Variants in PNN observed in about 807,000 individuals in gnomAD.
PNN encodes pinin.
In PNN, 38 loss-of-function variants were observed where a neutral mutation model predicts 76.6. The ratio of observed to expected loss-of-function variants is 0.50; its 90% CI spans 0.38 to 0.65. The LOEUF is 0.65. PNN is among the 30% of genes least tolerant of loss of function. PNN has a pLI of 0.00. For synonymous variants in PNN, 366 were observed against 283.7 expected (o/e 1.29, Z -2.91); for missense variants, 873 against 874.1 (o/e 1.00, Z 0.02).
In PNN at chr14:39,177,702, G is replaced by GA. The variant is rs774122794; in HGVS notation, c.422+22dup. Reference sequence around the variant, plus strand: ...GGAAAGCAAAGGTATTTCCCTGGGGGAAAAAAACTCTAGTGAAATAATGCA... The same window carrying GA: ...GGAAAGCAAAGGTATTTCCCTGGGGGAAAAAAAACTCTAGTGAAATAATGCA... On this transcript the variant is annotated intron_variant, in intron 5 of 8. Coordinates refer to ENST00000216832, the MANE Select transcript of PNN (RefSeq NM_002687.4). The GA allele has an allele frequency of 9.5e-6, 15 of 1,578,524 alleles. No individual in the cohort carries two copies. Among genetic ancestry groups the GA allele is most frequent in the Admixed American group, 3.3e-5 (2 of 59,904 alleles).
chr14:39,175,713 G>A (rs1262957828), intron 1 of PNN: 1 of 464,018 alleles, frequency 2.2e-6, no homozygotes, highest in Non-Finnish European at 3.8e-6. Flanking sequence ...GCCCCTTCCC[G>A]CTCCGGCGGA....
intron 6 of PNN, 54 bp downstream of exon 6, chr14:39,177,970 AT>A: frequency 9.1e-7 from 1 of 1,102,808 alleles, no homozygotes; most frequent in South Asian, 1.3e-5. Flanking sequence ...AAAGTAGTAG[AT>A]TAATGTTTTT....
intron 6 of PNN, 67 bp downstream of exon 6, chr14:39,177,983 TTA>T (rs2139401417): frequency 9.4e-7 from 1 of 1,066,626 alleles, no homozygotes; most frequent in East Asian, 2.4e-5. Flanking sequence ...AATGTTTTTT[TTA>T]AAAAATCCTT....
chr14:39,178,692 C>T (rs1475030241), intron 6 of PNN, among the ~76,000 whole-genome samples: 1 of 144,608 alleles, frequency 6.9e-6, no homozygotes, highest in Non-Finnish European at 1.5e-5. Flanking sequence ...GTGTGAGCCA[C>T]TGTGCCCGGC....
chr14:39,179,692 G>C (rs1333663027), intron 8 of PNN, among the ~76,000 whole-genome samples: 2 of 152,014 alleles, frequency 1.3e-5, no homozygotes, highest in African/African-American at 2.4e-5. Context: ...AGGAGATCGA[G>C]ACCATCCCGG....
At chr14:39,175,755 C>T (rs2053218243) in intron 1 of PNN, 3 of 465,310 alleles carry the variant, frequency 6.4e-6, no homozygotes, top group Non-Finnish European at 7.6e-6. Flanking sequence ...CGAGACCCTG[C>T]CGGGACGCAA....
Position 39,181,058 on chromosome 14 carries a change from G to A in PNN, c.1349G>A (p.Ser450Asn). 6.2e-7 allele frequency: 1 copy of A among 1,613,686 alleles called. No homozygotes were observed. The highest frequency in any genetic ancestry group is 8.5e-7 in the Non-Finnish European group (1 of 1,179,822). Residue 450 changes from serine (S) to asparagine (N), a missense_variant, in exon 9 of 9, where the codon AGT becomes AAT. Coordinates refer to ENST00000216832, the MANE Select transcript of PNN (RefSeq NM_002687.4). Reference sequence around the variant, plus strand: ...CTTTCTCCTGGGAAAGAGAATGTCAGTGCTTTAGACATGGAAAAGGAGTCT... The same window carrying A: ...CTTTCTCCTGGGAAAGAGAATGTCAATGCTTTAGACATGGAAAAGGAGTCT... ...KTLSPGKENVSALDMEKESEE... is the reference protein window; with the variant it reads ...KTLSPGKENVNALDMEKESEE...
intron 8 of PNN, among the ~76,000 whole-genome samples, chr14:39,179,994 A>G (rs1190762647): frequency 3.9e-5 from 6 of 152,078 alleles, no homozygotes; most frequent in East Asian, 3.9e-4. Context: ...AAAGTTATAG[A>G]CAGTGCTTAT....
chr14:39,179,300 A>G, intron 7 of PNN, 24 bp from the exon 8 acceptor site: 1 of 1,609,700 alleles, frequency 6.2e-7, no homozygotes, highest in Non-Finnish European at 8.5e-7. Context: ...TTACAAAAGC[A>G]CTGACCCTTT....
intron 8 of PNN, among the ~76,000 whole-genome samples, chr14:39,179,858 C>G (rs896732092): frequency 6.6e-6 from 1 of 150,564 alleles, no homozygotes; most frequent in Non-Finnish European, 1.5e-5. Flanking sequence ...GCCGAGATTA[C>G]GCCACTGAAC....
intron 6 of PNN, among the ~76,000 whole-genome samples, chr14:39,178,250 C>T (rs2053243904): frequency 6.6e-6 from 1 of 152,130 alleles, no homozygotes; most frequent in Non-Finnish European, 1.5e-5. Context: ...GTGAAGCGGC[C>T]AGGTGCAGTG....
In PNN at chr14:39,177,523, T is replaced by C. The variant is rs187421070; in HGVS notation, c.327+39T>C. ...AAGAACTTAAATGAATGTAGTACCT[T>C]CACTTTACTACATTTAAAAGCACAC... On this transcript the variant is annotated intron_variant, in intron 4 of 8. Coordinates refer to ENST00000216832, the MANE Select transcript of PNN (RefSeq NM_002687.4). 1.1e-5 allele frequency: 18 copies of C among 1,595,756 alleles called. No individual in the cohort carries two copies. The Admixed American group carries it at 1.7e-4, about 15-fold the overall frequency.
chr14:39,178,598 G>C (rs2053246960), intron 6 of PNN, among the ~76,000 whole-genome samples: 1 of 149,610 alleles, frequency 6.7e-6, no homozygotes, highest in Admixed American at 6.7e-5. Context: ...TTTTTGTAGA[G>C]ATGGGGTTTT....
intron 6 of PNN, among the ~76,000 whole-genome samples, 182 bp downstream of exon 6, chr14:39,178,098 A>G (rs547679060): frequency 1.3e-5 from 2 of 152,210 alleles, no homozygotes; most frequent in African/African-American, 2.4e-5. Context: ...GTTGGAATAT[A>G]ACAGTTGTTG....
At position 39,177,888 on chromosome 14, in the gene PNN, A is replaced by G. The variant is rs1453443105; in HGVS notation, c.470A>G (p.Lys157Arg). Residue 157 changes from lysine to arginine, a missense_variant, in exon 6 of 9, where the codon AAA (lysine) becomes AGA (arginine). Transcript: ENST00000216832. ...TTGATGGGTACCCTTCAAAAATTTAAACAAGAATCCACTGTTGCTACTGAA... is the reference window on the plus strand; with the variant it reads ...TTGATGGGTACCCTTCAAAAATTTAGACAAGAATCCACTGTTGCTACTGAA... ...GLLMGTLQKFKQESTVATERQ... is the reference protein window; with the variant it reads ...GLLMGTLQKFRQESTVATERQ... The G allele has an allele frequency of 6.2e-7, 1 of 1,611,622 alleles. No homozygotes were observed. The highest frequency in any genetic ancestry group is 1.7e-5 in the Admixed American group (1 of 59,994).
At chr14:39,177,760 T>C in intron 5 of PNN, 73 bp downstream of exon 5, 1 of 1,438,626 alleles carries the variant, frequency 7.0e-7, no homozygotes, top group Non-Finnish European at 9.8e-7. Flanking sequence ...TGTTCAAGCA[T>C]CCTGTAGTAT....
In PNN at chr14:39,177,457, C is replaced by T. The variant is rs781077218; in HGVS notation, c.300C>T (p.Ser100=). ...CCAGAAGAGAATCACGCCAGGAAAG[C>T]GACCCGGAGGATGATGATGTTAAAA... The part of the protein sequence containing the change: ...RRTRRESRQE[S]DPEDDDVKKP... The change falls in exon 4 of 9, where the codon AGC becomes AGT. Residue 100 remains serine (S), a synonymous_variant. Coordinates refer to ENST00000216832, the MANE Select transcript of PNN (RefSeq NM_002687.4). 17 of 1,613,744 alleles carry T rather than the reference C, an allele frequency of 1.1e-5. No individual in the cohort carries two copies. The highest frequency in any genetic ancestry group is 9.9e-5 in the South Asian group (9 of 91,064).
In PNN at chr14:39,180,565, A is replaced by C. The variant is rs2053261372; in HGVS notation, c.856A>C (p.Arg286=). Reference sequence around the variant, plus strand: ...AATAAATAAAATGGAGGCTAGGCCTAGAAGACAATCAATGAAGGAAAAAGA... The same window carrying C: ...AATAAATAAAATGGAGGCTAGGCCTCGAAGACAATCAATGAAGGAAAAAGA... The part of the protein sequence containing the change: ...EQINKMEARP[R]RQSMKEKEHQ... The change falls in exon 9 of 9, where the codon AGA becomes CGA. Residue 286 remains arginine (R), a synonymous_variant. Transcript: ENST00000216832. The C allele has an allele frequency of 6.2e-7, 1 of 1,613,866 alleles. No individual in the cohort carries two copies. Among genetic ancestry groups the C allele is most frequent in the Admixed American group, 1.7e-5 (1 of 59,948 alleles).
Position 39,179,098 on chromosome 14 carries a change from G to A in PNN, c.506G>A (p.Arg169Gln), listed in dbSNP as rs747455268. The A allele has an allele frequency of 2.5e-6, 4 of 1,609,106 alleles. No individual in the cohort carries two copies. Among genetic ancestry groups the A allele is most frequent in the South Asian group, 1.1e-5 (1 of 89,868 alleles). ...ESTVATERQK[R>Q]RQEIEQKLEV... ...AGGCTACTTAACTTTTAGCAAAAGC[G>A]GCGCCAGGAAATTGAACAAAAACTT... The change falls in exon 7 of 9, where the codon CGG becomes CAG. Residue 169 changes from arginine (R) to glutamine (Q), a missense_variant. Arg to Gln is a conservative substitution (Grantham distance 43). Around this residue, in one of 3 missense-constraint regions of PNN, gnomAD observed 712 missense variants for 693.1 expected, o/e 1.03. Transcript: ENST00000216832.
Sources: gnomAD v4.1 joint callset for allele counts (sites outside exome capture counted in the v4.1 genomes callset) on GRCh38, gnomAD v4.1.1 for gene constraint, gnomAD v4.1.1 regional missense constraint, MANE v1.5 for transcripts, NCBI Gene and HGNC (gene_info 2026-07-23, HGNC 2026-07-21) for gene names.